The following NFIB variants were observed in gnomAD, a reference collection of about 807,000 sequenced individuals.
NFIB encodes nuclear factor 1 B-type.
NFIB carries 11 observed loss-of-function variants against 61.5 expected under a neutral mutation model. That is an observed-to-expected ratio of 0.18 (90% confidence interval 0.11 to 0.30). The LOEUF is 0.30. Among genes scored for constraint, NFIB ranks in the 10% least tolerant of loss-of-function variants. The pLI is 1.00. For missense variants in NFIB, 471 were observed against 608.9 expected (o/e 0.77, Z 2.38); for synonymous variants, 260 against 216.5 (o/e 1.20, Z -1.76).
the NFIB span, among the ~76,000 whole-genome samples, chr9:14,495,446 C>CTTTTTTTTTTTTTTTTTTTTTTTTT: frequency 1.4e-4 from 16 of 117,258 alleles, 1 homozygote; most frequent in African/African-American, 5.3e-4. Context: ...GAGAAATGAA[C>CTTTTTTTTTTTTTTTTTTTTTTTTT]TTTTTTTTTT....
chr9:14,265,500 G>A (rs749048065), intron 2 of NFIB, among the ~76,000 whole-genome samples: 11 of 152,220 alleles, frequency 7.2e-5, no homozygotes, highest in African/African-American at 2.7e-4. Context: ...TATAAGCCAA[G>A]AGAAGAAGCT....
At chr9:14,223,534 C>T (rs1427077920) in intron 2 of NFIB, among the ~76,000 whole-genome samples, 2 of 152,128 alleles carry the variant, frequency 1.3e-5, no homozygotes, top group South Asian at 2.1e-4. Context: ...GTAGAAACCA[C>T]TAATTATTTA....
At chr9:14,334,232 A>G (rs1339676878) in intron 1 of NFIB, among the ~76,000 whole-genome samples, 1 of 152,214 alleles carries the variant, frequency 6.6e-6, no homozygotes, top group Non-Finnish European at 1.5e-5. Flanking sequence ...GTATAAGCCT[A>G]TGAGTAGAAT....
Position 14,083,969 on chromosome 9 carries a change from CAGTGGTGCTTCG to C in NFIB, c.*4328_*4339del, listed in dbSNP as rs1374862967. 4 of 219,584 alleles carry C rather than the reference CAGTGGTGCTTCG, an allele frequency of 1.8e-5. No individual in the cohort carries two copies. Among genetic ancestry groups the C allele is most frequent in the Non-Finnish European group, 3.7e-5 (4 of 109,332 alleles). The allele number at this position is 219,584 out of a possible 1,614,324, so 13.6% of individuals were successfully genotyped here. On this transcript the variant is annotated 3_prime_UTR_variant, in exon 11 of 11. Transcript: ENST00000380953. ...AAGGCCGTATATACTAATAAAAAGA[CAGTGGTGCTTCG>C]ACATTCTGAAATGCTCTGGAAACCA...
the NFIB span, among the ~76,000 whole-genome samples, chr9:14,470,586 C>T: frequency 2.0e-5 from 3 of 152,084 alleles, no homozygotes; most frequent in African/African-American, 4.8e-5. Context: ...CAAAACCTGG[C>T]TGCTTAGGCA....
At chr9:14,296,893 C>T (rs894405090) in intron 2 of NFIB, among the ~76,000 whole-genome samples, 2 of 152,222 alleles carry the variant, frequency 1.3e-5, no homozygotes, top group Non-Finnish European at 2.9e-5. Context: ...TTAATTTGCA[C>T]ATTATTTACT....
chr9:14,203,056 T>G (rs2049229866), intron 2 of NFIB, among the ~76,000 whole-genome samples: 1 of 152,234 alleles, frequency 6.6e-6, no homozygotes, highest in Non-Finnish European at 1.5e-5. Context: ...ATTTATCTTT[T>G]TGAATGATCA....
rs1275290295 is a variant in NFIB at position 14,185,562 on chromosome 9, G to C, written c.563-5782C>G. Among the ~76,000 whole-genome samples the C allele has an allele frequency of 2.0e-5, 3 of 152,022 alleles. No homozygotes were observed. In the East Asian group the frequency reaches 5.8e-4, roughly 29 times the overall value. On this transcript the variant is annotated intron_variant, in intron 2 of 10. Transcript: ENST00000380953. Reference sequence around the variant, plus strand: ...ATCCCCTTTACATCCTCAACAATATGACACGAAGTCTATTATTGCCCTATT... The same window carrying C: ...ATCCCCTTTACATCCTCAACAATATCACACGAAGTCTATTATTGCCCTATT...
Position 14,307,186 on chromosome 9 carries a change from C to T in NFIB, c.365G>A (p.Arg122Gln). The T allele has an allele frequency of 1.2e-6, 2 of 1,614,042 alleles. No homozygotes were observed. The highest frequency in any genetic ancestry group is 1.7e-6 in the Non-Finnish European group (2 of 1,180,028). ...KGKIRRIDCL[R>Q]QADKVWRLDL... The stretch of plus-strand genomic sequence containing the variant: ...CAGACGCCAGACTTTGTCTGCCTGT[C>T]GCAGGCAGTCGATTCTCCTAATCTT... The change falls in exon 2 of 11, where the codon CGA (arginine) becomes CAA (glutamine). Residue 122 changes from arginine to glutamine, a missense_variant. Physicochemically the swap from Arg to Gln is conservative, Grantham distance 43 (BLOSUM62 1). Around this residue, in one of 2 missense-constraint regions of NFIB, gnomAD observed 99 missense variants for 213.3 expected, o/e 0.46. Transcript: ENST00000380953. The surrounding 1 kb of genome is among the most constrained non-coding windows in gnomAD (Gnocchi z 5.3).
At chr9:14,503,914 GGTTCT>G in the NFIB span, among the ~76,000 whole-genome samples, 1 of 152,122 alleles carries the variant, frequency 6.6e-6, no homozygotes, top group African/African-American at 2.4e-5. Flanking sequence ...TGTCTACAAG[GGTTCT>G]TCTGATGTTC....
At chr9:14,360,030 T>G (rs1272311466) in intron 1 of NFIB, among the ~76,000 whole-genome samples, 1 of 152,226 alleles carries the variant, frequency 6.6e-6, no homozygotes, top group East Asian at 1.9e-4. Context: ...GGAGAACTTT[T>G]GAAAGTGCTC....
chr9:14,113,648 G>A (rs956613145), intron 9 of NFIB, among the ~76,000 whole-genome samples: 7 of 151,990 alleles, frequency 4.6e-5, no homozygotes, highest in East Asian at 1.9e-4. Flanking sequence ...GAATCAGCTC[G>A]GTATTTTACC....
chr9:14,272,882 T>C (rs1405994507), intron 2 of NFIB, among the ~76,000 whole-genome samples: 1 of 152,188 alleles, frequency 6.6e-6, no homozygotes, highest in Non-Finnish European at 1.5e-5. Context: ...TAGAGTCTAA[T>C]GCTGAGTTGA....
At chr9:14,447,141 ATAGTT>A in the NFIB span, among the ~76,000 whole-genome samples, 2 of 152,056 alleles carry the variant, frequency 1.3e-5, no homozygotes, top group Admixed American at 6.6e-5. Flanking sequence ...GTTATGTTTT[ATAGTT>A]TATTGTTTCT....
chr9:14,383,755 G>A (rs1026807694), intron 1 of NFIB, among the ~76,000 whole-genome samples: 1 of 152,152 alleles, frequency 6.6e-6, no homozygotes, highest in African/African-American at 2.4e-5. Flanking sequence ...ATTTACATGG[G>A]ATCATCTCTT....
chr9:14,300,298 T>C, intron 2 of NFIB: 1 of 398,298 alleles, frequency 2.5e-6, no homozygotes, highest in Non-Finnish European at 4.4e-6. Context: ...TAACCACTAG[T>C]CCTTGAGATT....
At chr9:14,138,281 A>C (rs769283357) in intron 6 of NFIB, among the ~76,000 whole-genome samples, 1 of 152,184 alleles carries the variant, frequency 6.6e-6, no homozygotes, top group Non-Finnish European at 1.5e-5. Flanking sequence ...CTTGTTTTCC[A>C]TGTTTCATTT....
intron 2 of NFIB, among the ~76,000 whole-genome samples, chr9:14,237,053 C>A (rs944562198): frequency 6.6e-6 from 1 of 152,138 alleles, no homozygotes; most frequent in Admixed American, 6.5e-5. Context: ...CCTCCTAGCA[C>A]AGATTTGCCA....
At chr9:14,338,436 C>T (rs565177895) in intron 1 of NFIB, among the ~76,000 whole-genome samples, 2 of 152,070 alleles carry the variant, frequency 1.3e-5, no homozygotes, top group South Asian at 4.2e-4. Context: ...TATGTATTTG[C>T]GGTTGGAAAG....
Sources: allele counts gnomAD v4.1 joint callset (sites outside exome capture counted in the v4.1 genomes callset), GRCh38; gene constraint gnomAD v4.1.1; regional missense constraint gnomAD v4.1.1; non-coding constraint Gnocchi (gnomAD v3.1); transcripts MANE v1.5; gene names NCBI Gene and HGNC (gene_info 2026-07-23, HGNC 2026-07-21).